The following ZC3H3 variants were observed in gnomAD, a reference collection of about 807,000 sequenced individuals.
ZC3H3 encodes zinc finger CCCH domain-containing protein 3.
In ZC3H3, 36 loss-of-function variants were observed where a neutral mutation model predicts 77.3. That is an observed-to-expected ratio of 0.47 (90% confidence interval 0.36 to 0.61). The LOEUF (loss-of-function observed/expected upper bound fraction) is 0.61. Ranked by LOEUF, ZC3H3 falls within the 20% of genes least tolerant of loss-of-function variation. The pLI is 0.00. For missense variants in ZC3H3, 1,331 were observed against 1,312.2 expected (o/e 1.01, Z -0.22); for synonymous variants, 626 against 555.2 (o/e 1.13, Z -1.79).
chr8:143,442,535 G>A (rs933634619), intron 9 of ZC3H3, among the ~76,000 whole-genome samples: 1 of 152,052 alleles, frequency 6.6e-6, no homozygotes, highest in Non-Finnish European at 1.5e-5. Context: ...GGGGTGTGCA[G>A]GTCCACTGTT....
chr8:143,508,026 C>G (rs575684033), intron 3 of ZC3H3, 127 bp from the exon 4 acceptor site: 2 of 1,152,162 alleles, frequency 1.7e-6, no homozygotes, highest in Non-Finnish European at 2.3e-6. Context: ...TCCATCGCCC[C>G]GTGGATAAAA....
At chr8:143,517,585 G>A (rs777371528) in intron 3 of ZC3H3, among the ~76,000 whole-genome samples, 5 of 152,148 alleles carry the variant, frequency 3.3e-5, no homozygotes, top group Non-Finnish European at 7.4e-5. Context: ...AGGGCACTGG[G>A]GCCCAGGGCA....
intron 9 of ZC3H3, 108 bp from the exon 10 acceptor site, chr8:143,441,228 T>G (rs1316311383): frequency 8.5e-7 from 1 of 1,181,820 alleles, no homozygotes; most frequent in Non-Finnish European, 1.1e-6. Context: ...CGGGGCCCCA[T>G]AGGCTCCGTC....
chr8:143,520,466 C>T (rs60511618), intron 3 of ZC3H3, among the ~76,000 whole-genome samples: 2,968 of 152,312 alleles, frequency 0.019, 89 homozygotes, highest in African/African-American at 0.067. Flanking sequence ...GGTGCTGCTT[C>T]GTCCTCCCAG....
intron 3 of ZC3H3, 133 bp from the exon 4 acceptor site, chr8:143,508,032 T>G: frequency 9.1e-7 from 1 of 1,100,688 alleles, no homozygotes; most frequent in Non-Finnish European, 1.2e-6. Flanking sequence ...GCCCCGTGGA[T>G]AAAACCCTCA....
intron 9 of ZC3H3, 100 bp from the exon 10 acceptor site, chr8:143,441,220 G>T: frequency 8.0e-7 from 1 of 1,246,138 alleles, no homozygotes; most frequent in Non-Finnish European, 1.0e-6. Context: ...AGTACCCACG[G>T]GGCCCCATAG....
chr8:143,483,617 C>T (rs561409632), intron 4 of ZC3H3, among the ~76,000 whole-genome samples: 1 of 152,184 alleles, frequency 6.6e-6, no homozygotes. Context: ...ACCCTGCCCC[C>T]ACGATCTCAG....
At chr8:143,441,505 G>C (rs759072508) in intron 9 of ZC3H3, among the ~76,000 whole-genome samples, 3 of 152,184 alleles carry the variant, frequency 2.0e-5, no homozygotes, top group African/African-American at 4.8e-5. Flanking sequence ...AGGTGGGTGT[G>C]GCTAGAGACC....
At chr8:143,517,793 C>G (rs780233701) in intron 3 of ZC3H3, among the ~76,000 whole-genome samples, 8 of 152,214 alleles carry the variant, frequency 5.3e-5, no homozygotes, top group East Asian at 1.9e-4. Context: ...TTTGACCCCC[C>G]GCTCCTGCCT....
intron 3 of ZC3H3, among the ~76,000 whole-genome samples, chr8:143,521,499 G>A (rs902850880): frequency 1.1e-4 from 17 of 152,318 alleles, no homozygotes; most frequent in African/African-American, 2.4e-4. Context: ...GAGCAGCTCC[G>A]GGCCTCCTGC....
chr8:143,452,580 T>G (rs985209634), intron 9 of ZC3H3, among the ~76,000 whole-genome samples: 1 of 151,978 alleles, frequency 6.6e-6, no homozygotes, highest in Non-Finnish European at 1.5e-5. Flanking sequence ...CACTTCTACA[T>G]GCAATACAAA....
At chr8:143,439,801 C>T (rs912133349) in intron 11 of ZC3H3, among the ~76,000 whole-genome samples, 4 of 152,024 alleles carry the variant, frequency 2.6e-5, no homozygotes, top group Admixed American at 6.5e-5. Context: ...CCCCTGTGCC[C>T]GAGCCCGGCC....
rs1821279637 is a variant in ZC3H3 at position 143,494,082 on chromosome 8, TG to T, written c.1715+13663del. The stretch of plus-strand genomic sequence containing the variant: ...TGCCTCAGCAGCACGTGGGGAAGCC[TG>T]GGGAGTGGGAGGGGAAGGGGAGCGC... On this transcript the variant is annotated intron_variant, in intron 4 of 11. Transcript: ENST00000262577. The surrounding 1 kb of genome is among the most constrained non-coding windows in gnomAD (Gnocchi z 5.3). 6.6e-6 allele frequency among the ~76,000 whole-genome samples: 1 copy of T among 152,068 alleles called. No homozygotes were observed. Among genetic ancestry groups the T allele is most frequent in the African/African-American group, 2.4e-5 (1 of 41,408 alleles).
intron 4 of ZC3H3, among the ~76,000 whole-genome samples, chr8:143,499,957 T>A (rs952842520): frequency 1.3e-5 from 2 of 152,160 alleles, no homozygotes; most frequent in Admixed American, 1.3e-4. Context: ...GGGCTGGCCC[T>A]GCCCTGATAA....
At chr8:143,497,221 G>C (rs1019605194) in intron 4 of ZC3H3, among the ~76,000 whole-genome samples, 3 of 152,174 alleles carry the variant, frequency 2.0e-5, no homozygotes, top group Non-Finnish European at 2.9e-5. Flanking sequence ...GAGAGCCCAG[G>C]AGCCACACAA....
At chr8:143,476,786 G>A (rs529427391) in intron 4 of ZC3H3, among the ~76,000 whole-genome samples, 98 of 152,342 alleles carry the variant, frequency 6.4e-4, no homozygotes, top group South Asian at 3.5e-3. Flanking sequence ...CCTGCTCTAC[G>A]CTCCCCATCC....
chr8:143,538,128 C>A lies in ZC3H3; in HGVS notation c.1239G>T (p.Arg413Ser). The A allele has an allele frequency of 6.2e-7, 1 of 1,613,166 alleles. No individual in the cohort carries two copies. Among genetic ancestry groups the A allele is most frequent in the Non-Finnish European group, 8.5e-7 (1 of 1,180,036 alleles). Reference sequence around the variant, plus strand: ...CTGCTGGTCTGTCCCCCGACGGGGACCTAGACAGGACTGGGGAGAGCTGGG... The same window carrying A: ...CTGCTGGTCTGTCCCCCGACGGGGAACTAGACAGGACTGGGGAGAGCTGGG... Reference protein sequence around the residue: ...HASQLSPVLSRSPSGDRPAVG... With the variant: ...HASQLSPVLSSSPSGDRPAVG... The change falls in exon 2 of 12, where the codon AGG becomes AGT. Residue 413 changes from arginine to serine, a missense_variant. Coordinates refer to ENST00000262577, the MANE Select transcript of ZC3H3 (RefSeq NM_015117.3).
intron 9 of ZC3H3, among the ~76,000 whole-genome samples, chr8:143,465,052 G>T (rs138411301): frequency 6.6e-6 from 1 of 152,060 alleles, no homozygotes; most frequent in Non-Finnish European, 1.5e-5. Context: ...CTGCACTGCC[G>T]GGAACTTCCC....
chr8:143,523,931 G>A (rs1192613189), intron 3 of ZC3H3, among the ~76,000 whole-genome samples: 2 of 152,346 alleles, frequency 1.3e-5, no homozygotes, highest in South Asian at 4.1e-4. Flanking sequence ...GCCCCACAGG[G>A]CCATGTCTGA....
Sources: allele counts gnomAD v4.1 joint callset (sites outside exome capture counted in the v4.1 genomes callset), GRCh38; gene constraint gnomAD v4.1.1; non-coding constraint Gnocchi (gnomAD v3.1); transcripts MANE v1.5; gene names NCBI Gene and HGNC (gene_info 2026-07-23, HGNC 2026-07-21).